Variants in GFM1 observed in about 807,000 individuals in gnomAD.
GFM1 encodes the protein G elongation factor mitochondrial 1.
In GFM1, 62 loss-of-function variants were observed where a neutral mutation model predicts 96.2. The observed-to-expected ratio is 0.64, with a 90% CI of 0.53 to 0.80. The LOEUF is 0.80. GFM1 is among the 30% of genes least tolerant of loss of function. The probability of loss-of-function intolerance (pLI) is 0.00; values close to 1 mark genes in which losing one functional copy is unlikely to be tolerated. For missense variants in GFM1, 852 were observed against 916.6 expected (o/e 0.93, Z 0.91); for synonymous variants, 282 against 312.9 (o/e 0.90, Z 1.04).
chr3:158,644,980 G>GTTTT, intron 1 of GFM1: 9 of 213,994 alleles, frequency 4.2e-5, no homozygotes, highest in South Asian at 1.3e-4. Context: ...CTTTTCTAAG[G>GTTTT]TTTTTTTTTT....
rs574693515 is a variant in GFM1, at chr3:158,647,721, G to A, written c.572+774G>A. 2.0e-5 allele frequency among the ~76,000 whole-genome samples: 3 copies of A among 152,226 alleles called. No homozygotes were observed. The South Asian group carries it at 6.2e-4, about 32-fold the overall frequency. ...GTTTATAACTTTTTTTTGGTAAATT[G>A]TTTTTAGTTTTTATCCTTATTTTAC... On this transcript the variant is annotated intron_variant, in intron 4 of 17. Transcript: ENST00000486715.
rs766862933 is a variant in GFM1, at chr3:158,644,706, G to C, written c.72G>C (p.Gln24His). 6.3e-7 allele frequency: 1 copy of C among 1,575,974 alleles called. No homozygotes were observed. Among genetic ancestry groups the C allele is most frequent in the African/African-American group, 1.3e-5 (1 of 74,624 alleles). Residue 24 changes from glutamine (Q) to histidine (H), a missense_variant, in exon 1 of 18, where the codon CAG becomes CAC. Physicochemically the swap from Gln to His is conservative, Grantham distance 24. Coordinates refer to ENST00000486715, the MANE Select transcript of GFM1 (RefSeq NM_024996.7). ...RGRAPASLGW[Q>H]RKQVNWKACR... is the part of the protein sequence containing the mutation. ...GGGCCCCCGCCTCCCTAGGCTGGCA[G>C]AGGAAGCAGGTACCGGAGCATAGAG...
At position 158,691,564 on chromosome 3, in the gene GFM1, A is replaced by G. The variant is rs563957747; in HGVS notation, c.*97A>G. The G allele has an allele frequency of 3.7e-5, 52 of 1,398,696 alleles. No individual in the cohort carries two copies. In the South Asian group the frequency reaches 6.0e-4, roughly 16 times the overall value. 86.6% of individuals were successfully genotyped at this position (1,398,696 alleles called of 1,614,324 possible). On this transcript the variant is annotated 3_prime_UTR_variant, in exon 18 of 18. Coordinates refer to ENST00000486715, the MANE Select transcript of GFM1 (RefSeq NM_024996.7). Reference sequence around the variant, plus strand: ...AATAAATTCAGGCTGCTGAAACAAGAAATTCTGAGCCCAGGAAGCGGGCTC... The same window carrying G: ...AATAAATTCAGGCTGCTGAAACAAGGAATTCTGAGCCCAGGAAGCGGGCTC...
chr3:158,647,382 CAT>C (rs1721906256), intron 4 of GFM1, among the ~76,000 whole-genome samples: 1 of 152,192 alleles, frequency 6.6e-6, no homozygotes, highest in African/African-American at 2.4e-5. Flanking sequence ...CAGACGGAAA[CAT>C]ATTTTCTAGG....
intron 15 of GFM1, among the ~76,000 whole-genome samples, chr3:158,686,708 T>C (rs1412850142): frequency 6.8e-6 from 1 of 147,530 alleles, no homozygotes; most frequent in African/African-American, 2.5e-5. Context: ...CACTAGATTA[T>C]AATTGAATTG....
intron 5 of GFM1, chr3:158,650,081 A>G: frequency 1.3e-6 from 2 of 1,525,146 alleles, no homozygotes; most frequent in Non-Finnish European, 1.8e-6. Flanking sequence ...TGGCATTGTG[A>G]TCAGTGAACT....
intron 8 of GFM1, among the ~76,000 whole-genome samples, chr3:158,655,484 G>A (rs1722673533): frequency 8.8e-6 from 1 of 113,476 alleles, no homozygotes. Flanking sequence ...ACTTCATCTC[G>A]GAAAAAAAAA....
chr3:158,665,560 T>TA, intron 12 of GFM1, 86 bp downstream of exon 12: 1 of 1,204,338 alleles, frequency 8.3e-7, no homozygotes, highest in Non-Finnish European at 1.2e-6. Flanking sequence ...CTAATGTCTG[T>TA]AACTAACTCT....
At position 158,693,577 on chromosome 3, in the gene GFM1, T is replaced by G. The variant is rs1454325711; in HGVS notation, c.*2110T>G. The G allele has an allele frequency of 6.6e-6, 1 of 152,208 alleles. No individual in the cohort carries two copies. The allele number at this position is 152,208 out of a possible 1,614,324, so 9.4% of individuals were successfully genotyped here. A position where few individuals can be genotyped will look rare whatever the true frequency, so the allele number is the denominator to read the frequency against. ...TCTCTTTCTAAGTCATTAGTTATAG[T>G]TGGCAAAGATCACATACCAACCAAA... is the stretch of plus-strand genomic sequence containing the variant. On this transcript the variant is annotated 3_prime_UTR_variant, in exon 18 of 18. Transcript: ENST00000486715.
At position 158,690,324 on chromosome 3, in the gene GFM1, G is replaced by A; in HGVS notation, c.2070+1G>A. Reference sequence around the variant, plus strand: ...GGACTATTTTACACTGTATGCAGATGTAAGTAGTCTTGGTCATTGGCAGTC... The same window carrying A: ...GGACTATTTTACACTGTATGCAGATATAAGTAGTCTTGGTCATTGGCAGTC... On this transcript the variant is annotated splice_donor_variant, in intron 16 of 17. Coordinates refer to ENST00000486715, the MANE Select transcript of GFM1 (RefSeq NM_024996.7). LOFTEE classifies it high-confidence loss of function. The A allele has an allele frequency of 1.2e-6, 2 of 1,613,396 alleles. No homozygotes were observed. The highest frequency in any genetic ancestry group is 1.7e-6 in the Non-Finnish European group (2 of 1,179,336).
chr3:158,675,310 A>AGG (rs370161147), intron 13 of GFM1, among the ~76,000 whole-genome samples: 29,626 of 110,130 alleles, frequency 0.27, 5,528 homozygotes, highest in African/African-American at 0.35. Flanking sequence ...AAAAAAAAAA[A>AGG]CAAGTTTTCA....
intron 2 of GFM1, 128 bp from the exon 3 acceptor site, chr3:158,646,037 T>G (rs1721759220): frequency 3.4e-6 from 4 of 1,171,814 alleles, no homozygotes; most frequent in Non-Finnish European, 5.1e-6. Flanking sequence ...CCTGCCTCAG[T>G]CTCCCACAGT....
chr3:158,656,341 C>T (rs999543318), intron 8 of GFM1: 8 of 168,342 alleles, frequency 4.8e-5, no homozygotes, highest in South Asian at 2.9e-4. Flanking sequence ...TTAGTAGAGA[C>T]ATAGTTTCTC....
rs1721589686 is a variant in GFM1 at position 158,644,642 on chromosome 3, T to A, written c.8T>A (p.Leu3His). 6.4e-7 allele frequency: 1 copy of A among 1,571,422 alleles called. No homozygotes were observed. Residue 3 changes from leucine (L) to histidine (H), a missense_variant, in exon 1 of 18, where the codon CTC (leucine) becomes CAC (histidine). Coordinates refer to ENST00000486715, the MANE Select transcript of GFM1 (RefSeq NM_024996.7). ...GCGTGCTCTGCGCTTGCCATGAGAC[T>A]CCTGGGAGCTGCAGCCGTCGCGGCT... MR[L>H]LGAAAVAALG...
chr3:158,687,340 A>G (rs552438681), intron 15 of GFM1, among the ~76,000 whole-genome samples: 3 of 152,020 alleles, frequency 2.0e-5, no homozygotes, highest in African/African-American at 7.3e-5. Context: ...AAAATATACT[A>G]TGCACACAAG....
At position 158,669,567 on chromosome 3, in the gene GFM1, G is replaced by A. The variant is rs200149107; in HGVS notation, c.1601+3181G>A. ...GACTTCTGGTGCAGTTTCTTGTCCC[G>A]TTGAAGGGTAAAGTACTTCAGCTGT... is the stretch of plus-strand genomic sequence containing the variant. On this transcript the variant is annotated intron_variant, in intron 13 of 17. Transcript: ENST00000486715. The A allele has an allele frequency of 6.0e-4, 964 of 1,613,890 alleles. 10 individuals carry two copies. The South Asian group carries it at 9.8e-3, about 16-fold the overall frequency.
chr3:158,671,586 A>G (rs1724316032), intron 13 of GFM1, among the ~76,000 whole-genome samples: 1 of 152,248 alleles, frequency 6.6e-6, no homozygotes, highest in Non-Finnish European at 1.5e-5. Context: ...TTGAAAATTT[A>G]TACCTAATTC....
chr3:158,658,903 A>G lies in GFM1; in HGVS notation c.1084-19A>G. 1 of 1,613,636 alleles carries G rather than the reference A, an allele frequency of 6.2e-7. No homozygotes were observed. The highest frequency in any genetic ancestry group is 8.5e-7 in the Non-Finnish European group (1 of 1,179,554). ...GTTTCTTTTTATTCTTCCTGCCCTTACCCAATCTTGACTTCTAGGTAGGTC... is the reference window on the plus strand; with the variant it reads ...GTTTCTTTTTATTCTTCCTGCCCTTGCCCAATCTTGACTTCTAGGTAGGTC... On this transcript the variant is annotated intron_variant, in intron 8 of 17. Transcript: ENST00000486715.
In GFM1 at chr3:158,653,352, G is replaced by C. The variant is rs1722451768; in HGVS notation, c.883G>C (p.Val295Leu). The change falls in exon 7 of 18, where the codon GTA becomes CTA. Residue 295 changes from valine (V) to leucine (L), a missense_variant. Coordinates refer to ENST00000486715, the MANE Select transcript of GFM1 (RefSeq NM_024996.7). The stretch of plus-strand genomic sequence containing the variant: ...TACTCTGAAAAGATCATTTACTCCT[G>C]TATTTTTGGGAAGCGCCTTGAAGAA... ...RATLKRSFTP[V>L]FLGSALKNKG... 6.2e-7 allele frequency: 1 copy of C among 1,613,688 alleles called. No homozygotes were observed. The highest frequency in any genetic ancestry group is 8.5e-7 in the Non-Finnish European group (1 of 1,179,726).
Sources: gnomAD v4.1 joint callset for allele counts (sites outside exome capture counted in the v4.1 genomes callset) on GRCh38, gnomAD v4.1.1 for gene constraint, MANE v1.5 for transcripts, NCBI Gene and HGNC (gene_info 2026-07-23, HGNC 2026-07-21) for gene names.